ARHGAP15: variants seen among roughly 807,000 people sequenced by gnomAD.
The protein encoded by ARHGAP15 is Rho GTPase activating protein 15.
In ARHGAP15, 51 loss-of-function variants were observed where a neutral mutation model predicts 63.7. The ratio of observed to expected loss-of-function variants is 0.80; its 90% confidence interval spans 0.64 to 1.01. ARHGAP15 has a LOEUF of 1.01. ARHGAP15 is among the 50% of genes least tolerant of loss of function. ARHGAP15 has a pLI of 0.00. For missense variants in ARHGAP15, 560 were observed against 564.6 expected (o/e 0.99, Z 0.08); for synonymous variants, 191 against 193.8 (o/e 0.99, Z 0.12).
At chr2:143,726,260 A>T (rs1483520275) in intron 13 of ARHGAP15, among the ~76,000 whole-genome samples, 1 of 152,232 alleles carries the variant, frequency 6.6e-6, no homozygotes, top group Non-Finnish European at 1.5e-5. Context: ...TTGTAATGGG[A>T]ACAAAAAGCT....
rs570300003 is a variant in ARHGAP15, at chr2:143,201,343, C to G, written c.166-791C>G. 7.3e-5 allele frequency among the ~76,000 whole-genome samples: 11 copies of G among 151,716 alleles called. No individual in the cohort carries two copies. In the East Asian group the frequency reaches 1.9e-3, roughly 27 times the overall value. ...TCACTATGTTGCCCAGGCTAGGGCT[C>G]TTTTTAAATTTAATGTTCCATTTTT... On this transcript the variant is annotated intron_variant, in intron 2 of 13. Coordinates refer to ENST00000295095, the MANE Select transcript of ARHGAP15 (RefSeq NM_018460.4).
intron 12 of ARHGAP15, among the ~76,000 whole-genome samples, chr2:143,661,189 C>T (rs891423327): frequency 6.6e-6 from 1 of 152,126 alleles, no homozygotes; most frequent in Non-Finnish European, 1.5e-5. Context: ...TCAGGCCCAC[C>T]CCAATAATCC....
At chr2:143,538,164 G>C (rs1484086399) in intron 10 of ARHGAP15, among the ~76,000 whole-genome samples, 3 of 152,070 alleles carry the variant, frequency 2.0e-5, no homozygotes, top group Non-Finnish European at 4.4e-5. Flanking sequence ...GTTCACTCAT[G>C]ATTTGGCTCT....
chr2:143,595,780 A>G (rs1419702565), intron 11 of ARHGAP15, among the ~76,000 whole-genome samples: 2 of 152,060 alleles, frequency 1.3e-5, no homozygotes, highest in African/African-American at 4.8e-5. Context: ...TTTCCCATAT[A>G]CTTTTTTCTT....
At chr2:143,370,150 C>G (rs1211787508) in intron 6 of ARHGAP15, among the ~76,000 whole-genome samples, 1 of 152,038 alleles carries the variant, frequency 6.6e-6, no homozygotes, top group South Asian at 2.1e-4. Context: ...TAACACAAAC[C>G]TTAACAAACA....
intron 12 of ARHGAP15, among the ~76,000 whole-genome samples, chr2:143,661,554 T>C (rs982131790): frequency 1.2e-4 from 19 of 152,088 alleles, no homozygotes; most frequent in African/African-American, 4.1e-4. Flanking sequence ...TCCTTGAAAA[T>C]AAGTGCTCGG....
intron 2 of ARHGAP15, among the ~76,000 whole-genome samples, chr2:143,194,616 C>T (rs1255996512): frequency 6.6e-6 from 1 of 152,062 alleles, no homozygotes; most frequent in Non-Finnish European, 1.5e-5. Context: ...AGTTTCTTGG[C>T]TCTGGTGGTT....
At chr2:143,382,812 T>C (rs1687118002) in intron 6 of ARHGAP15, among the ~76,000 whole-genome samples, 1 of 152,168 alleles carries the variant, frequency 6.6e-6, no homozygotes, top group South Asian at 2.1e-4. Context: ...ACTTGCTCTC[T>C]TGGTTTGAGA....
intron 6 of ARHGAP15, among the ~76,000 whole-genome samples, chr2:143,400,978 T>C (rs1687966088): frequency 6.6e-6 from 1 of 152,050 alleles, no homozygotes; most frequent in Admixed American, 6.6e-5. Flanking sequence ...TGCTAAATGA[T>C]GTTATAAATA....
chr2:143,687,854 C>T (rs536307186), intron 12 of ARHGAP15, among the ~76,000 whole-genome samples: 1 of 152,202 alleles, frequency 6.6e-6, no homozygotes, highest in East Asian at 1.9e-4. Flanking sequence ...TTAAGCATAA[C>T]TTATCAGTTA....
At chr2:143,238,179 G>T (rs1415430926) in intron 5 of ARHGAP15, 2 of 152,044 alleles carry the variant, frequency 1.3e-5, no homozygotes, top group Non-Finnish European at 2.9e-5. Flanking sequence ...TGTAATAAAA[G>T]CAAATGGTGA....
chr2:143,715,532 C>G (rs1328285378), intron 13 of ARHGAP15, among the ~76,000 whole-genome samples: 1 of 152,156 alleles, frequency 6.6e-6, no homozygotes, highest in Non-Finnish European at 1.5e-5. Context: ...AAGCAGAGCT[C>G]TTCTGATTAT....
At chr2:143,598,827 G>A (rs6746393) in intron 11 of ARHGAP15, among the ~76,000 whole-genome samples, 42,495 of 151,846 alleles carry the variant, frequency 0.28, 6,615 homozygotes, top group African/African-American at 0.42. Context: ...TGAAGTGAGA[G>A]GATCACTTAA....
At chr2:143,455,141 A>G (rs1690583992) in intron 8 of ARHGAP15, among the ~76,000 whole-genome samples, 1 of 152,058 alleles carries the variant, frequency 6.6e-6, no homozygotes, top group Non-Finnish European at 1.5e-5. Context: ...AGCCGTTCTG[A>G]GGGCTGCTGG....
At chr2:143,205,272 A>G (rs1029789334) in intron 3 of ARHGAP15, among the ~76,000 whole-genome samples, 1 of 150,922 alleles carries the variant, frequency 6.6e-6, no homozygotes, top group Non-Finnish European at 1.5e-5. Flanking sequence ...AAAAAAAAAA[A>G]GAAACAGAAA....
chr2:143,724,269 C>T (rs1487410008), intron 13 of ARHGAP15, among the ~76,000 whole-genome samples: 1 of 152,118 alleles, frequency 6.6e-6, no homozygotes. Flanking sequence ...AACCGTGTCA[C>T]CTTGGATAAC....
intron 11 of ARHGAP15, among the ~76,000 whole-genome samples, chr2:143,612,663 C>A (rs1698302170): frequency 6.6e-6 from 1 of 152,206 alleles, no homozygotes; most frequent in Admixed American, 6.5e-5. Context: ...CAGGGCAGAC[C>A]TGGGCAAAGC....
chr2:143,327,997 A>T (rs1330752543), intron 6 of ARHGAP15, among the ~76,000 whole-genome samples: 1 of 152,066 alleles, frequency 6.6e-6, no homozygotes, highest in African/African-American at 2.4e-5. Context: ...CATATGAAAA[A>T]CTCATAATCA....
chr2:143,290,127 T>C (rs1428520630), intron 6 of ARHGAP15, among the ~76,000 whole-genome samples: 1 of 152,078 alleles, frequency 6.6e-6, no homozygotes, highest in East Asian at 1.9e-4. Flanking sequence ...GATAGCAAAC[T>C]ATCTAGTGGG....
Sources: allele counts gnomAD v4.1 joint callset (sites outside exome capture counted in the v4.1 genomes callset), GRCh38; gene constraint gnomAD v4.1.1; transcripts MANE v1.5; gene names NCBI Gene and HGNC (gene_info 2026-07-23, HGNC 2026-07-21).